The following SOX13 variants were observed in gnomAD, a reference collection of about 807,000 sequenced individuals.
SOX13 encodes the protein transcription factor SOX-13.
SOX13 carries 28 observed loss-of-function variants against 71.8 expected under a neutral mutation model. The observed-to-expected ratio is 0.39, with a 90% confidence interval of 0.29 to 0.53. The LOEUF (loss-of-function observed/expected upper bound fraction) is 0.53, where lower values mean the gene tolerates loss of function less well. SOX13 is among the 20% of genes least tolerant of loss of function. The probability of loss-of-function intolerance (pLI) is 0.70; values close to 1 mark genes in which losing one functional copy is unlikely to be tolerated. For synonymous variants in SOX13, 309 were observed against 317.8 expected, an observed-to-expected ratio of 0.97 and a Z score of 0.29; for missense variants, 627 against 810.3, an observed-to-expected ratio of 0.77 and a Z score of 2.75.
At chr1:204,074,278 C>T (rs1336910709) in intron 1 of SOX13, 1 of 152,114 alleles carries the variant, frequency 6.6e-6, no homozygotes, top group Non-Finnish European at 1.5e-5. Context: ...CCCAGCGGAC[C>T]AGACCAGCGC....
At chr1:204,080,815 C>T (rs1045741825) in intron 1 of SOX13, among the ~76,000 whole-genome samples, 2 of 151,264 alleles carry the variant, frequency 1.3e-5, no homozygotes, top group Admixed American at 6.6e-5. Context: ...GTCCACCATG[C>T]GGGGCAGGTG....
Position 204,123,223 on chromosome 1 carries a change from G to A in SOX13, c.1231+15G>A, listed in dbSNP as rs374854789. On this transcript the variant is annotated intron_variant, in intron 11 of 13. Coordinates refer to ENST00000367204, the MANE Select transcript of SOX13 (RefSeq NM_005686.3). This position sits in a 1 kb window ranked among gnomAD's most constrained non-coding sequence, Gnocchi z 5.0. Reference sequence around the variant, plus strand: ...CGACATGGATGGTGAGGGCTCAGGCGCAGGGCTGATGCGCAGGAGGGCCCA... The same window carrying A: ...CGACATGGATGGTGAGGGCTCAGGCACAGGGCTGATGCGCAGGAGGGCCCA... 3.8e-5 allele frequency: 61 copies of A among 1,600,140 alleles called. No homozygotes were observed. The highest frequency in any genetic ancestry group is 2.8e-4 in the African/African-American group (21 of 74,680).
intron 1 of SOX13, among the ~76,000 whole-genome samples, chr1:204,075,102 G>A (rs1383295792): frequency 6.6e-6 from 1 of 152,180 alleles, no homozygotes. Flanking sequence ...TCCCCCAAAG[G>A]ATCACGACAT....
At chr1:204,106,328 T>G (rs534125808) in intron 1 of SOX13, among the ~76,000 whole-genome samples, 2 of 152,114 alleles carry the variant, frequency 1.3e-5, no homozygotes, top group African/African-American at 4.8e-5. Flanking sequence ...CTAATAGTCC[T>G]AACAGTATCC....
chr1:204,104,803 T>C (rs1656430348), intron 1 of SOX13, among the ~76,000 whole-genome samples: 1 of 152,238 alleles, frequency 6.6e-6, no homozygotes, highest in East Asian at 1.9e-4. Flanking sequence ...CTACGATGAC[T>C]GGAATTTATC....
intron 1 of SOX13, among the ~76,000 whole-genome samples, chr1:204,103,878 G>A (rs999213954): frequency 2.0e-5 from 3 of 152,326 alleles, no homozygotes; most frequent in Non-Finnish European, 4.4e-5. Context: ...ACCTCTTCTC[G>A]GTTTGGGACC....
At chr1:204,094,111 C>A (rs1439281090) in intron 1 of SOX13, among the ~76,000 whole-genome samples, 1 of 152,144 alleles carries the variant, frequency 6.6e-6, no homozygotes, top group African/African-American at 2.4e-5. Context: ...GCTTTATAAA[C>A]CATCAAGTGT....
intron 4 of SOX13, among the ~76,000 whole-genome samples, chr1:204,115,813 T>C (rs960307446): frequency 6.6e-6 from 1 of 151,826 alleles, no homozygotes; most frequent in Non-Finnish European, 1.5e-5. Context: ...ATTACAGGTA[T>C]GCGCCACCAT....
intron 13 of SOX13, among the ~76,000 whole-genome samples, chr1:204,125,416 G>C (rs915561589): frequency 1.3e-5 from 2 of 152,074 alleles, no homozygotes; most frequent in East Asian, 3.9e-4. Flanking sequence ...AATTAGCCAG[G>C]TGTGGTGGTT....
intron 1 of SOX13, among the ~76,000 whole-genome samples, chr1:204,091,727 C>T (rs560274766): frequency 3.8e-4 from 38 of 100,910 alleles, no homozygotes; most frequent in Non-Finnish European, 7.4e-4. Context: ...TCTTTGTGTG[C>T]GTGTGCGTGT....
chr1:204,079,945 C>T (rs1655867491), intron 1 of SOX13, among the ~76,000 whole-genome samples: 1 of 152,176 alleles, frequency 6.6e-6, no homozygotes, highest in African/African-American at 2.4e-5. Flanking sequence ...GTGTGTGTGG[C>T]CTGGTATCTC....
At chr1:204,113,488 G>GA (rs1656628947) in intron 2 of SOX13, among the ~76,000 whole-genome samples, 1 of 152,054 alleles carries the variant, frequency 6.6e-6, no homozygotes, top group South Asian at 2.1e-4. Context: ...GATGATTTGG[G>GA]AAAATCAACC....
In SOX13 at chr1:204,123,068, G is replaced by T. The variant is rs1374719427; in HGVS notation, c.1135-44G>T. On this transcript the variant is annotated intron_variant, in intron 10 of 13. Coordinates refer to ENST00000367204, the MANE Select transcript of SOX13 (RefSeq NM_005686.3). The surrounding 1 kb of genome is among the most constrained non-coding windows in gnomAD (Gnocchi z 5.0). ...AGAGAGGAGCATGGGGAGGAGTGGG[G>T]TGATGCAGAGGAGGCTGATGTCAGG... 6.5e-7 allele frequency: 1 copy of T among 1,546,302 alleles called. No individual in the cohort carries two copies. The highest frequency in any genetic ancestry group is 1.1e-5 in the South Asian group (1 of 89,486).
chr1:204,092,723 T>G (rs1287299076), intron 1 of SOX13, among the ~76,000 whole-genome samples: 1 of 152,220 alleles, frequency 6.6e-6, no homozygotes, highest in Admixed American at 6.5e-5. Context: ...TACTTGGATT[T>G]AGGGGGCTGC....
In SOX13 at chr1:204,117,187, C is replaced by G; in HGVS notation, c.657C>G (p.Ile219Met). The G allele has an allele frequency of 2.5e-6, 4 of 1,613,900 alleles. No individual in the cohort carries two copies. The highest frequency in any genetic ancestry group is 2.5e-6 in the Non-Finnish European group (3 of 1,179,804). ...AGATCAACCTCCTTCAGCAGCAGAT[C>G]CAGGTAACCGGAGGGGAGACCCGGA... The part of the protein sequence containing the change: ...QHKINLLQQQ[I>M]QQVNMPYVMI... The change falls in exon 6 of 14, where the codon ATC becomes ATG. Residue 219 changes from isoleucine to methionine, a missense_variant. Coordinates refer to ENST00000367204, the MANE Select transcript of SOX13 (RefSeq NM_005686.3).
intron 1 of SOX13, among the ~76,000 whole-genome samples, chr1:204,086,986 G>C (rs1293714260): frequency 6.6e-6 from 1 of 151,480 alleles, no homozygotes; most frequent in Non-Finnish European, 1.5e-5. Context: ...GCAGTGGCGC[G>C]ATCTTGGCGC....
At chr1:204,103,267 A>G (rs1656396342) in intron 1 of SOX13, among the ~76,000 whole-genome samples, 1 of 152,276 alleles carries the variant, frequency 6.6e-6, no homozygotes, top group African/African-American at 2.4e-5. Flanking sequence ...GACTCAAGTC[A>G]GAAACAACTG....
rs1215730243 is a variant in SOX13, at chr1:204,114,360, A to C, written c.259A>C (p.Lys87Gln). 1 of 1,611,750 alleles carries C rather than the reference A, an allele frequency of 6.2e-7. No homozygotes were observed. The highest frequency in any genetic ancestry group is 1.1e-5 in the South Asian group (1 of 90,444). Residue 87 changes from lysine (K) to glutamine (Q), a missense_variant, in exon 3 of 14, where the codon AAG becomes CAG. Lys to Gln is a moderately conservative substitution (Grantham distance 53, BLOSUM62 1). Coordinates refer to ENST00000367204, the MANE Select transcript of SOX13 (RefSeq NM_005686.3). ...SPEGNGSPEP[K>Q]RPGVSEAASG... ...AGAGGGTAATGGGTCCCCAGAACCC[A>C]AGAGACCAGGAGTGTCGGAGGCTGC... is the stretch of plus-strand genomic sequence containing the variant.
chr1:204,123,925 CAG>C lies in SOX13; in HGVS notation c.1375+122_1375+123del. The C allele has an allele frequency of 1.7e-6, 2 of 1,149,890 alleles. No individual in the cohort carries two copies. The highest frequency in any genetic ancestry group is 2.5e-6 in the Non-Finnish European group (2 of 813,072). 71.2% of individuals were successfully genotyped at this position (1,149,890 alleles called of 1,614,324 possible). A position where few individuals can be genotyped will look rare whatever the true frequency, so the allele number is the denominator to read the frequency against. ...GTTGGACTCCAGTGGAATCTGACGA[CAG>C]GGGTGCAGGAGTTGCTGGGGATGTG... On this transcript the variant is annotated intron_variant, in intron 12 of 13. Transcript: ENST00000367204. The surrounding 1 kb of genome is among the most constrained non-coding windows in gnomAD (Gnocchi z 5.0).
Sources: allele counts gnomAD v4.1 joint callset (sites outside exome capture counted in the v4.1 genomes callset), GRCh38; gene constraint gnomAD v4.1.1; non-coding constraint Gnocchi (gnomAD v3.1); transcripts MANE v1.5; gene names NCBI Gene and HGNC (gene_info 2026-07-23, HGNC 2026-07-21).